The following TMEFF1 variants were observed in gnomAD, a reference collection of about 807,000 sequenced individuals.
The protein encoded by TMEFF1 is tomoregulin-1.
A neutral mutation model predicts 47.5 loss-of-function variants in TMEFF1; 20 were observed. The observed-to-expected ratio is 0.42, with a 90% CI of 0.30 to 0.61. The LOEUF is 0.61. Among genes scored for constraint, TMEFF1 ranks in the 20% least tolerant of loss-of-function variants. TMEFF1 has a pLI of 0.19. For synonymous variants in TMEFF1, 162 were observed against 166.3 expected, an observed-to-expected ratio of 0.97 and a Z score of 0.20; for missense variants, 411 against 471.1, an observed-to-expected ratio of 0.87 and a Z score of 1.18.
chr9:100,492,517 G>A (rs1837573316), intron 1 of TMEFF1, among the ~76,000 whole-genome samples: 1 of 152,204 alleles, frequency 6.6e-6, no homozygotes, highest in Non-Finnish European at 1.5e-5. Context: ...AGAATTCATT[G>A]TGCCATAGGC....
chr9:100,481,580 T>C (rs1837338704), intron 1 of TMEFF1, among the ~76,000 whole-genome samples: 1 of 152,170 alleles, frequency 6.6e-6, no homozygotes, highest in African/African-American at 2.4e-5. Flanking sequence ...TTTTGGCATT[T>C]GGTTCAAAGA....
At chr9:100,548,412 C>A (rs987319388) in intron 6 of TMEFF1, among the ~76,000 whole-genome samples, 1 of 152,124 alleles carries the variant, frequency 6.6e-6, no homozygotes, top group Non-Finnish European at 1.5e-5. Context: ...ATTCTTTTCA[C>A]CCTTCTTGCT....
chr9:100,533,909 A>T (rs1188895247), intron 5 of TMEFF1, among the ~76,000 whole-genome samples: 1 of 151,720 alleles, frequency 6.6e-6, no homozygotes, highest in Non-Finnish European at 1.5e-5. Context: ...AGTAGAGATG[A>T]AGTTTCACCA....
chr9:100,474,260 G>A (rs1254724521), intron 1 of TMEFF1, among the ~76,000 whole-genome samples: 1 of 151,874 alleles, frequency 6.6e-6, no homozygotes, highest in Non-Finnish European at 1.5e-5. Context: ...CTCGGGGGTG[G>A]GGGTCGTGTG....
chr9:100,526,778 A>G (rs1224452282), intron 5 of TMEFF1, among the ~76,000 whole-genome samples: 1 of 151,584 alleles, frequency 6.6e-6, no homozygotes, highest in Non-Finnish European at 1.5e-5. Context: ...TGAGTTAGGG[A>G]GTGTTTTTTT....
intron 5 of TMEFF1, among the ~76,000 whole-genome samples, chr9:100,530,401 G>T (rs933752597): frequency 1.3e-5 from 2 of 151,934 alleles, no homozygotes; most frequent in African/African-American, 2.4e-5. Flanking sequence ...TGATAAAGGG[G>T]ATATCACCAC....
chr9:100,519,857 A>G (rs1838133397), intron 5 of TMEFF1, among the ~76,000 whole-genome samples: 1 of 152,072 alleles, frequency 6.6e-6, no homozygotes, highest in Admixed American at 6.5e-5. Flanking sequence ...TTTTTTGACT[A>G]CACTTCATGT....
chr9:100,475,365 G>A (rs1837203308), intron 1 of TMEFF1, among the ~76,000 whole-genome samples: 1 of 152,118 alleles, frequency 6.6e-6, no homozygotes, highest in Admixed American at 6.6e-5. Flanking sequence ...TTCCATCCGT[G>A]AAAAAACTTT....
At chr9:100,511,527 G>A (rs1837966548) in intron 3 of TMEFF1, among the ~76,000 whole-genome samples, 1 of 152,114 alleles carries the variant, frequency 6.6e-6, no homozygotes, top group African/African-American at 2.4e-5. Flanking sequence ...TTCTGAGTGG[G>A]CAGTGTTTTA....
intron 2 of TMEFF1, among the ~76,000 whole-genome samples, chr9:100,504,331 C>T (rs956262187): frequency 6.6e-6 from 1 of 152,134 alleles, no homozygotes; most frequent in Non-Finnish European, 1.5e-5. Context: ...CTACTTCTCC[C>T]ATCTCACACT....
intron 5 of TMEFF1, among the ~76,000 whole-genome samples, chr9:100,541,693 A>C (rs902413588): frequency 6.6e-6 from 1 of 152,122 alleles, no homozygotes; most frequent in African/African-American, 2.4e-5. Flanking sequence ...GCAATTTCTT[A>C]TTGTGGTTAT....
At position 100,475,881 on chromosome 9, in the gene TMEFF1, CAGTT is replaced by C. The variant is rs1005484582; in HGVS notation, c.196+2145_196+2148del. Among the ~76,000 whole-genome samples, 11 of 150,838 alleles carry C rather than the reference CAGTT, an allele frequency of 7.3e-5. 1 individual carries two copies. The highest frequency in any genetic ancestry group is 6.6e-4 in the Admixed American group (10 of 15,082). ...GTGTGTGCGTGTGAAGCCTGGGGCT[CAGTT>C]AGTCACCCTGGGGTACTATGCATTG... is the stretch of plus-strand genomic sequence containing the variant. On this transcript the variant is annotated intron_variant, in intron 1 of 9. Transcript: ENST00000374879.
At chr9:100,483,279 C>G (rs998718182) in intron 1 of TMEFF1, among the ~76,000 whole-genome samples, 14 of 152,040 alleles carry the variant, frequency 9.2e-5, no homozygotes, top group Non-Finnish European at 1.6e-4. Flanking sequence ...GGTGGATCAC[C>G]TGAGGTCAGG....
At chr9:100,543,764 A>T (rs1319329308) in intron 5 of TMEFF1, among the ~76,000 whole-genome samples, 2 of 151,144 alleles carry the variant, frequency 1.3e-5, no homozygotes, top group African/African-American at 4.9e-5. Context: ...ATAATGTTTT[A>T]AGAAAGTTTA....
intron 8 of TMEFF1, among the ~76,000 whole-genome samples, chr9:100,563,287 T>C (rs1738108883): frequency 6.6e-6 from 1 of 152,234 alleles, no homozygotes; most frequent in Non-Finnish European, 1.5e-5. Flanking sequence ...TATAGTGGGC[T>C]CTTCATGTTT....
Position 100,498,700 on chromosome 9 carries a change from C to T in TMEFF1, c.197-65C>T, listed in dbSNP as rs139535650. On this transcript the variant is annotated intron_variant, in intron 1 of 9. Transcript: ENST00000374879. ...ACTTTTTCATACACACACACACACG[C>T]GCACAGACACACACACGTAATAAAA... The T allele has an allele frequency of 2.8e-4, 409 of 1,480,964 alleles. 2 individuals are homozygous for T. Among genetic ancestry groups the T allele is most frequent in the African/African-American group, 7.1e-4 (51 of 71,578 alleles). 91.7% of individuals were successfully genotyped at this position (1,480,964 alleles called of 1,614,324 possible).
At chr9:100,572,437 A>G (rs1564030507) in intron 8 of TMEFF1, 81 bp from the exon 9 acceptor site, 2 of 1,387,922 alleles carry the variant, frequency 1.4e-6, no homozygotes, top group Admixed American at 2.6e-5. Flanking sequence ...TTTTATTACT[A>G]TTTTGTATTT....
rs1332599 is a variant in TMEFF1, at chr9:100,547,276, G to A, written c.561-468G>A. ...AGTGATTCTCCTACCTTGGCCTCCC[G>A]AAGTGTTGGGATTACAGTCATGAGC... On this transcript the variant is annotated intron_variant, in intron 5 of 9. Transcript: ENST00000374879. 6.1e-3 allele frequency among the ~76,000 whole-genome samples: 924 copies of A among 152,040 alleles called. 5 individuals carry two copies. The highest frequency in any genetic ancestry group is 0.015 in the African/African-American group (618 of 41,478).
intron 1 of TMEFF1, among the ~76,000 whole-genome samples, chr9:100,495,695 G>A (rs1434800788): frequency 6.6e-6 from 1 of 152,114 alleles, no homozygotes; most frequent in African/African-American, 2.4e-5. Flanking sequence ...AGCAAGATAT[G>A]CATAAAATAA....
Sources: allele counts gnomAD v4.1 joint callset (sites outside exome capture counted in the v4.1 genomes callset), GRCh38; gene constraint gnomAD v4.1.1; transcripts MANE v1.5; gene names NCBI Gene and HGNC (gene_info 2026-07-23, HGNC 2026-07-21).